The following CLRN2 variants were observed in gnomAD, a reference collection of about 807,000 sequenced individuals.
The protein encoded by CLRN2 is clarin 2, also known as clarin-2.
In CLRN2, 17 loss-of-function variants were observed where a neutral mutation model predicts 20.1. That is an observed-to-expected ratio of 0.85 (90% CI 0.58 to 1.27). The LOEUF is 1.27. Among genes scored for constraint, CLRN2 ranks in the 50% most tolerant of loss-of-function variants. The pLI, the probability that CLRN2 is intolerant of heterozygous loss-of-function variation, is 0.00. For synonymous variants in CLRN2, 140 were observed against 126.9 expected, an observed-to-expected ratio of 1.10 and a Z score of -0.70; for missense variants, 288 against 299.5, an observed-to-expected ratio of 0.96 and a Z score of 0.28.
intron 2 of CLRN2, 138 bp from the exon 3 acceptor site, chr4:17,526,679 T>C: frequency 2.0e-6 from 2 of 1,000,824 alleles, no homozygotes; most frequent in Non-Finnish European, 2.9e-6. Context: ...CTCCTACTTT[T>C]AAAAGCAAAT....
intron 1 of CLRN2, among the ~76,000 whole-genome samples, chr4:17,520,790 G>A (rs538391321): frequency 8.5e-4 from 129 of 152,288 alleles, no homozygotes; most frequent in Non-Finnish European, 1.7e-3. Context: ...CCCAGCACGG[G>A]CAGATCACTT....
At chr4:17,522,386 A>G (rs1442422438) in intron 1 of CLRN2, among the ~76,000 whole-genome samples, 2 of 152,218 alleles carry the variant, frequency 1.3e-5, no homozygotes, top group Non-Finnish European at 2.9e-5. Flanking sequence ...TTTCATCTTC[A>G]CAGCTGGTAC....
rs769214803 is a variant in CLRN2, at chr4:17,515,481, G to A, written c.215G>A (p.Arg72Gln). 4.3e-5 allele frequency: 69 copies of A among 1,613,946 alleles called. No homozygotes were observed. Among genetic ancestry groups the A allele is most frequent in the Non-Finnish European group, 5.2e-5 (61 of 1,179,862 alleles). Residue 72 changes from arginine (R) to glutamine (Q), a missense_variant, in exon 1 of 3, where the codon CGG becomes CAG. Transcript: ENST00000511148. ...YYGLFRGCKV[R>Q]QCGLGGRQSQ... ...GGGCTCTTCCGAGGGTGTAAAGTGC[G>A]GCAGTGTGGGCTTGGGGGCCGCCAA...
In CLRN2 at chr4:17,515,316, G is replaced by GCTT; in HGVS notation, c.53_55dup (p.Phe18dup). On this transcript the variant is annotated inframe_insertion, in exon 1 of 3. Coordinates refer to ENST00000511148, the MANE Select transcript of CLRN2 (RefSeq NM_001079827.2). The stretch of plus-strand genomic sequence containing the variant: ...TGGTATGGGCTGGCGTCTTTACTCA[G>GCTT]CTTCTCCTCCTTCATCCTGATCATC... 1.2e-6 allele frequency: 2 copies of GCTT among 1,614,038 alleles called. No homozygotes were observed. The highest frequency in any genetic ancestry group is 1.7e-6 in the Non-Finnish European group (2 of 1,179,910).
intron 1 of CLRN2, among the ~76,000 whole-genome samples, chr4:17,518,262 C>T (rs1560321423): frequency 6.6e-6 from 1 of 152,150 alleles, no homozygotes; most frequent in East Asian, 1.9e-4. Flanking sequence ...AAGAACTATC[C>T]ATCGCAAAGA....
chr4:17,519,785 CA>C (rs765757739), intron 1 of CLRN2, among the ~76,000 whole-genome samples: 9 of 152,194 alleles, frequency 5.9e-5, no homozygotes, highest in Non-Finnish European at 1.0e-4. Context: ...CAGGCTAAGG[CA>C]GAGTCACCTC....
chr4:17,517,223 A>C (rs2109001393), intron 1 of CLRN2, among the ~76,000 whole-genome samples: 1 of 152,294 alleles, frequency 6.6e-6, no homozygotes, highest in African/African-American at 2.4e-5. Context: ...ATGAACACTC[A>C]GGGAAGGGAC....
At chr4:17,519,297 G>A (rs1711778218) in intron 1 of CLRN2, among the ~76,000 whole-genome samples, 1 of 152,214 alleles carries the variant, frequency 6.6e-6, no homozygotes, top group African/African-American at 2.4e-5. Flanking sequence ...TGCCTCTAAT[G>A]TGTAGGAAAC....
chr4:17,519,119 G>A (rs1711771747), intron 1 of CLRN2, among the ~76,000 whole-genome samples: 1 of 152,172 alleles, frequency 6.6e-6, no homozygotes, highest in Admixed American at 6.5e-5. Flanking sequence ...TGCCCTGCTG[G>A]GGCGAAAAGG....
chr4:17,515,534 A>G lies in CLRN2; in HGVS notation c.253+15A>G. 1 of 1,610,040 alleles carries G rather than the reference A, an allele frequency of 6.2e-7. No homozygotes were observed. The highest frequency in any genetic ancestry group is 8.5e-7 in the Non-Finnish European group (1 of 1,177,082). ...CCAATTCACGAGTGAGTATATTGGG[A>G]GCATGAAAGCTGATTCTAGGCACTC... On this transcript the variant is annotated intron_variant, in intron 1 of 2. Transcript: ENST00000511148.
Position 17,526,854 on chromosome 4 carries a change from T to G in CLRN2, c.471T>G (p.Ala157=). 2 of 1,614,020 alleles carry G rather than the reference T, an allele frequency of 1.2e-6. No individual in the cohort carries two copies. Among genetic ancestry groups the G allele is most frequent in the Non-Finnish European group, 8.5e-7 (1 of 1,179,872 alleles). The change falls in exon 3 of 3, where the codon GCT becomes GCG. Residue 157 remains alanine (A), a synonymous_variant. Coordinates refer to ENST00000511148, the MANE Select transcript of CLRN2 (RefSeq NM_001079827.2). ...VVALAIASFV[A]AVKFHDLTER... is the part of the protein sequence containing the mutation. ...CGTTAGCCATCGCCAGCTTCGTGGC[T>G]GCGGTGAAATTTCACGACCTGACGG...
At chr4:17,517,916 G>C (rs1043036712) in intron 1 of CLRN2, among the ~76,000 whole-genome samples, 1 of 152,096 alleles carries the variant, frequency 6.6e-6, no homozygotes, top group African/African-American at 2.4e-5. Flanking sequence ...GACACTGATA[G>C]TGCCAGTCTA....
chr4:17,518,061 GAA>G (rs5856427), intron 1 of CLRN2, among the ~76,000 whole-genome samples: 224 of 146,982 alleles, frequency 1.5e-3, no homozygotes, highest in South Asian at 5.1e-3. Context: ...TCCATCTGTA[GAA>G]AAAAAAAAAA....
chr4:17,524,269 C>A (rs1288808036), intron 2 of CLRN2, among the ~76,000 whole-genome samples: 1 of 150,372 alleles, frequency 6.7e-6, no homozygotes, highest in Admixed American at 6.7e-5. Flanking sequence ...TATATTGATG[C>A]ACAGAAATTA....
chr4:17,518,363 T>C (rs1481364327), intron 1 of CLRN2, among the ~76,000 whole-genome samples: 1 of 152,204 alleles, frequency 6.6e-6, no homozygotes, highest in Admixed American at 6.5e-5. Flanking sequence ...AGACAAACAT[T>C]ACTTTAGCAT....
chr4:17,523,179 A>T (rs1711875790), intron 2 of CLRN2, 136 bp downstream of exon 2: 2 of 532,242 alleles, frequency 3.8e-6, no homozygotes, highest in African/African-American at 3.9e-5. Flanking sequence ...GACCTTCTTG[A>T]TGGGCATGGA....
chr4:17,515,332 C>G lies in CLRN2; in HGVS notation c.66C>G (p.Ile22Met). 4 of 1,614,032 alleles carry G rather than the reference C, an allele frequency of 2.5e-6. No individual in the cohort carries two copies. The highest frequency in any genetic ancestry group is 3.4e-6 in the Non-Finnish European group (4 of 1,179,900). The change falls in exon 1 of 3, where the codon ATC (isoleucine) becomes ATG (methionine). Residue 22 changes from isoleucine to methionine, a missense_variant. Physicochemically the swap from Ile to Met is conservative, Grantham distance 10. Transcript: ENST00000511148. ...CTTTACTCAGCTTCTCCTCCTTCAT[C>G]CTGATCATCGTTGCCCTGGTAGTGC... Reference protein sequence around the residue: ...LASLLSFSSFILIIVALVVPH... With the variant: ...LASLLSFSSFMLIIVALVVPH...
chr4:17,516,563 T>C (rs1711678566), intron 1 of CLRN2, among the ~76,000 whole-genome samples: 1 of 152,198 alleles, frequency 6.6e-6, no homozygotes, highest in African/African-American at 2.4e-5. Flanking sequence ...TTGACAAATA[T>C]AATACAAATT....
chr4:17,520,287 A>G (rs895840538), intron 1 of CLRN2, among the ~76,000 whole-genome samples: 5 of 152,216 alleles, frequency 3.3e-5, no homozygotes, highest in African/African-American at 1.2e-4. Context: ...AAATCTGGAT[A>G]TGGTTTCAAT....
Sources: gnomAD v4.1 joint callset for allele counts (sites outside exome capture counted in the v4.1 genomes callset) on GRCh38, gnomAD v4.1.1 for gene constraint, MANE v1.5 for transcripts, NCBI Gene and HGNC (gene_info 2026-07-23, HGNC 2026-07-21) for gene names.